Variants in CNTN4 observed in about 807,000 individuals in gnomAD.
CNTN4 encodes contactin 4, also known as contactin-4.
A neutral mutation model predicts 122.5 loss-of-function variants in CNTN4; 77 were observed. The ratio of observed to expected loss-of-function variants is 0.63; its 90% CI spans 0.52 to 0.76. The LOEUF (loss-of-function observed/expected upper bound fraction) is 0.76, where lower values mean the gene tolerates loss of function less well. Among genes scored for constraint, CNTN4 ranks in the 30% least tolerant of loss-of-function variants. The pLI is 0.00. For synonymous variants in CNTN4, 512 were observed against 447.0 expected (o/e 1.15, Z -1.83); for missense variants, 1,256 against 1,259.1 (o/e 1.00, Z 0.04).
chr3:2,859,929 G>C (rs976762795), intron 7 of CNTN4, among the ~76,000 whole-genome samples: 11 of 152,154 alleles, frequency 7.2e-5, no homozygotes. Flanking sequence ...ACATGTAAGA[G>C]GGGGAAGTTA....
At chr3:2,407,255 T>C (rs1202745717) in intron 3 of CNTN4, among the ~76,000 whole-genome samples, 1 of 152,214 alleles carries the variant, frequency 6.6e-6, no homozygotes, top group East Asian at 1.9e-4. Context: ...ACTTGTAATT[T>C]ATTTAGCTTG....
intron 4 of CNTN4, among the ~76,000 whole-genome samples, chr3:2,629,860 A>G (rs939526366): frequency 4.6e-5 from 7 of 152,250 alleles, no homozygotes; most frequent in Non-Finnish European, 7.4e-5. Context: ...GTATTAATCC[A>G]TGGACATTTC....
intron 13 of CNTN4, 128 bp downstream of exon 13, chr3:2,925,907 G>A (rs2094469147): frequency 1.3e-6 from 1 of 776,924 alleles, no homozygotes; most frequent in African/African-American, 1.7e-5. Flanking sequence ...AAAAAGAACA[G>A]AAGCTTTGGA....
chr3:2,191,709 T>TATATACAC (rs1553599242), intron 2 of CNTN4, among the ~76,000 whole-genome samples: 9 of 150,952 alleles, frequency 6.0e-5, no homozygotes, highest in East Asian at 2.0e-4. Context: ...TATATATATA[T>TATATACAC]ACACACACAC....
chr3:2,404,517 T>G (rs933492335), intron 3 of CNTN4, among the ~76,000 whole-genome samples: 3 of 152,118 alleles, frequency 2.0e-5, no homozygotes, highest in African/African-American at 7.2e-5. Flanking sequence ...GCTCTCCCTT[T>G]CTACCTCATC....
At chr3:2,941,145 T>G (rs2094611001) in intron 13 of CNTN4, among the ~76,000 whole-genome samples, 1 of 152,226 alleles carries the variant, frequency 6.6e-6, no homozygotes, top group Non-Finnish European at 1.5e-5. Context: ...TCTCATTTTC[T>G]CAAGGACTTT....
At chr3:3,051,243 C>T (rs983611526) in intron 23 of CNTN4, among the ~76,000 whole-genome samples, 2 of 152,010 alleles carry the variant, frequency 1.3e-5, no homozygotes, top group African/African-American at 2.4e-5. Context: ...ATCATTATTC[C>T]CACAAATCCA....
chr3:2,269,897 AGTTT>A (rs138625814), intron 2 of CNTN4, among the ~76,000 whole-genome samples: 1,120 of 68,846 alleles, frequency 0.016, 290 homozygotes, highest in Middle Eastern at 0.032. Context: ...TATTATAGCC[AGTTT>A]GTTTGTTTGT....
rs374522506 is a variant in CNTN4, at chr3:2,950,424, G to A, written c.1358+24645G>A. Among the ~76,000 whole-genome samples the A allele has an allele frequency of 5.7e-4, 87 of 152,258 alleles. 1 individual carries two copies. In the East Asian group the frequency reaches 0.01, roughly 18 times the overall value. On this transcript the variant is annotated intron_variant, in intron 13 of 24. Coordinates refer to ENST00000418658, the MANE Select transcript of CNTN4 (RefSeq NM_175607.3). ...GAGTTTGGGAAGCCCCAAACACATCGGTAGCTTGTTATATAAGCATCTTGT... is the reference window on the plus strand; with the variant it reads ...GAGTTTGGGAAGCCCCAAACACATCAGTAGCTTGTTATATAAGCATCTTGT...
At chr3:2,203,896 C>T (rs1559339474) in intron 2 of CNTN4, among the ~76,000 whole-genome samples, 1 of 152,098 alleles carries the variant, frequency 6.6e-6, no homozygotes, top group Admixed American at 6.6e-5. Flanking sequence ...AAATCTGACA[C>T]ATAAGTTCAA....
At chr3:2,568,060 A>T (rs995319052) in intron 3 of CNTN4, among the ~76,000 whole-genome samples, 8 of 152,202 alleles carry the variant, frequency 5.3e-5, no homozygotes, top group African/African-American at 1.9e-4. Context: ...TGCCTGCCAC[A>T]TGGTAAACAC....
At chr3:2,768,805 T>G (rs1425944870) in intron 6 of CNTN4, among the ~76,000 whole-genome samples, 1 of 152,202 alleles carries the variant, frequency 6.6e-6, no homozygotes, top group Non-Finnish European at 1.5e-5. Flanking sequence ...TGTTTTATCT[T>G]TTAGTCTTTA....
chr3:3,005,614 T>C (rs1696535357), intron 14 of CNTN4, among the ~76,000 whole-genome samples: 1 of 152,194 alleles, frequency 6.6e-6, no homozygotes, highest in Non-Finnish European at 1.5e-5. Context: ...CACTGGCAGA[T>C]CCAGGGTCTG....
chr3:2,578,736 C>A lies in CNTN4; in HGVS notation c.55+7178C>A, dbSNP rs147892053. 2.9e-3 allele frequency among the ~76,000 whole-genome samples: 436 copies of A among 152,154 alleles called. 2 individuals are homozygous for A. Among genetic ancestry groups the A allele is most frequent in the Admixed American group, 7.0e-3 (107 of 15,290 alleles). ...GCCGGTGTATTTACAATCATGCTGA[C>A]CGAAGCCAAAGCCTGGGTTTCCTGT... is the stretch of plus-strand genomic sequence containing the variant. On this transcript the variant is annotated intron_variant, in intron 4 of 24. Coordinates refer to ENST00000418658, the MANE Select transcript of CNTN4 (RefSeq NM_175607.3).
intron 4 of CNTN4, among the ~76,000 whole-genome samples, chr3:2,592,067 G>C (rs994545276): frequency 1.3e-5 from 2 of 151,910 alleles, no homozygotes; most frequent in African/African-American, 4.8e-5. Context: ...TTTTTGTACA[G>C]ATGAGGTTTC....
At chr3:2,804,852 C>T (rs1387444742) in intron 6 of CNTN4, among the ~76,000 whole-genome samples, 4 of 152,140 alleles carry the variant, frequency 2.6e-5, no homozygotes, top group Non-Finnish European at 5.9e-5. Context: ...CACACAACAC[C>T]ATGCCCGGCT....
At chr3:3,039,036 C>G (rs770564251) in intron 19 of CNTN4, 33 bp downstream of exon 19, 2 of 1,523,126 alleles carry the variant, frequency 1.3e-6, no homozygotes, top group African/African-American at 2.7e-5. Context: ...GGAACGTACA[C>G]GCATCGAAGC....
intron 3 of CNTN4, among the ~76,000 whole-genome samples, chr3:2,499,140 T>A (rs1011352493): frequency 1.3e-5 from 2 of 152,206 alleles, no homozygotes; most frequent in Admixed American, 1.3e-4. Flanking sequence ...ACCCTAGATC[T>A]TGAAGATTTT....
intron 13 of CNTN4, among the ~76,000 whole-genome samples, chr3:2,932,140 C>T (rs932977777): frequency 3.3e-5 from 5 of 151,978 alleles, no homozygotes; most frequent in African/African-American, 4.8e-5. Context: ...CACTTTGGGA[C>T]GTCGAGGCAG....
Sources: allele counts gnomAD v4.1 joint callset (sites outside exome capture counted in the v4.1 genomes callset), GRCh38; gene constraint gnomAD v4.1.1; transcripts MANE v1.5; gene names NCBI Gene and HGNC (gene_info 2026-07-23, HGNC 2026-07-21).